Variants in EDAR observed in about 807,000 individuals in gnomAD.
EDAR encodes the protein tumor necrosis factor receptor superfamily member EDAR.
Under a neutral mutation model 51.3 loss-of-function variants are expected in EDAR, and 38 were observed. That is an observed-to-expected ratio of 0.74 (90% confidence interval 0.57 to 0.97). EDAR has a LOEUF of 0.97. EDAR is among the 50% of genes least tolerant of loss of function. EDAR has a pLI of 0.00. For missense variants in EDAR, 528 were observed against 595.0 expected (o/e 0.89, Z 1.17); for synonymous variants, 227 against 242.1 (o/e 0.94, Z 0.58).
At chr2:108,911,612 A>C (rs1020467603) in intron 6 of EDAR, among the ~76,000 whole-genome samples, 1 of 152,198 alleles carries the variant, frequency 6.6e-6, no homozygotes, top group African/African-American at 2.4e-5. Context: ...TCCACCAGGC[A>C]GTCCCTCAGT....
chr2:108,911,384 T>A (rs997992038), intron 6 of EDAR, among the ~76,000 whole-genome samples: 1 of 152,074 alleles, frequency 6.6e-6, no homozygotes, highest in Non-Finnish European at 1.5e-5. Context: ...GGGTTTGGTG[T>A]GGAGAGGAAG....
intron 1 of EDAR, among the ~76,000 whole-genome samples, chr2:108,969,506 T>C (rs923866254): frequency 1.3e-5 from 2 of 152,162 alleles, no homozygotes; most frequent in Non-Finnish European, 2.9e-5. Flanking sequence ...GAGGACTCAG[T>C]GAGGATGTTG....
At chr2:108,937,076 G>A (rs1697485115) in intron 1 of EDAR, among the ~76,000 whole-genome samples, 1 of 152,260 alleles carries the variant, frequency 6.6e-6, no homozygotes, top group Non-Finnish European at 1.5e-5. Context: ...CAAGACCACA[G>A]GCACCGTCCT....
rs764446843 is a variant in EDAR at position 108,895,306 on chromosome 2, TACA to T, written c.*1598_*1600del. 6.6e-6 allele frequency: 1 copy of T among 152,602 alleles called. No homozygotes were observed. Among genetic ancestry groups the T allele is most frequent in the Non-Finnish European group, 1.5e-5 (1 of 68,034 alleles). The allele number at this position is 152,602 out of a possible 1,614,324, so 9.5% of individuals were successfully genotyped here. ...TTTCAGTCATGCAACTTGTAATTTT[TACA>T]ACCTCGCTTTATAAGTCAGAGACTT... On this transcript the variant is annotated 3_prime_UTR_variant, in exon 12 of 12. Transcript: ENST00000258443.
intron 9 of EDAR, 35 bp from the exon 10 acceptor site, chr2:108,908,054 C>G: frequency 6.3e-7 from 1 of 1,577,664 alleles, no homozygotes; most frequent in South Asian, 1.2e-5. Flanking sequence ...TTAGCAGTGC[C>G]TGGGGGGGCT....
intron 1 of EDAR, among the ~76,000 whole-genome samples, chr2:108,982,925 G>A (rs1250184272): frequency 6.6e-6 from 1 of 152,212 alleles, no homozygotes; most frequent in East Asian, 1.9e-4. Flanking sequence ...CATGTGCAGG[G>A]ATGGTCTCTC....
chr2:108,915,938 G>A (rs1386929899), intron 5 of EDAR, among the ~76,000 whole-genome samples: 2 of 152,032 alleles, frequency 1.3e-5, no homozygotes, highest in Admixed American at 1.3e-4. Context: ...AAAAAGAGCT[G>A]GTGGAGAAGT....
intron 1 of EDAR, among the ~76,000 whole-genome samples, chr2:108,960,867 A>G (rs1381406464): frequency 6.6e-6 from 1 of 152,246 alleles, no homozygotes; most frequent in African/African-American, 2.4e-5. Flanking sequence ...GAACATGGCT[A>G]TATAGTATTC....
chr2:108,943,881 G>C (rs985445005), intron 1 of EDAR, among the ~76,000 whole-genome samples: 1 of 152,190 alleles, frequency 6.6e-6, no homozygotes, highest in African/African-American at 2.4e-5. Context: ...CTATAACCTT[G>C]CATACCATTT....
At chr2:108,932,616 C>T (rs1001064907) in intron 1 of EDAR, among the ~76,000 whole-genome samples, 2 of 150,134 alleles carry the variant, frequency 1.3e-5, no homozygotes, top group Admixed American at 6.6e-5. Context: ...AGCCAGGGAA[C>T]GGTGGAGAAG....
rs560118688 is a variant in EDAR, at chr2:108,989,189, C to T, written c.-248G>A. Reference sequence around the variant, plus strand: ...TTTAAAGGGCTTCCCGGGAACTCTTCCTTGACCGCTCCCTGCCCTGTCTGC... The same window carrying T: ...TTTAAAGGGCTTCCCGGGAACTCTTTCTTGACCGCTCCCTGCCCTGTCTGC... On this transcript the variant is annotated 5_prime_UTR_variant, in exon 1 of 12. Transcript: ENST00000258443. 6.5e-6 allele frequency: 1 copy of T among 153,046 alleles called. No individual in the cohort carries two copies. Among genetic ancestry groups the T allele is most frequent in the South Asian group, 2.1e-4 (1 of 4,828 alleles). The allele number at this position is 153,046 out of a possible 1,614,324, so 9.5% of individuals were successfully genotyped here.
chr2:108,973,382 G>C (rs1334351030), intron 1 of EDAR, among the ~76,000 whole-genome samples: 1 of 152,236 alleles, frequency 6.6e-6, no homozygotes, highest in Admixed American at 6.5e-5. Flanking sequence ...GGGCGGTGCA[G>C]AGAGAGTGTC....
intron 10 of EDAR, 75 bp from the exon 11 acceptor site, chr2:108,906,443 C>T (rs1470624832): frequency 6.7e-7 from 1 of 1,497,092 alleles, no homozygotes; most frequent in African/African-American, 1.4e-5. Flanking sequence ...TCCATGTCAG[C>T]AGGGGCAGGC....
chr2:108,958,274 C>T (rs1011613047), intron 1 of EDAR, among the ~76,000 whole-genome samples: 2 of 152,172 alleles, frequency 1.3e-5, no homozygotes, highest in African/African-American at 4.8e-5. Flanking sequence ...TGTTGAGACT[C>T]GCCTGTTTTC....
At chr2:108,939,629 G>C (rs6542786) in intron 1 of EDAR, among the ~76,000 whole-genome samples, 103,331 of 152,026 alleles carry the variant, frequency 0.68, 37,760 homozygotes, top group Non-Finnish European at 0.82. Flanking sequence ...TGCAGTCACA[G>C]TGTATCCCCT....
At chr2:108,930,442 C>A (rs1574386621) in intron 2 of EDAR, among the ~76,000 whole-genome samples, 200 bp from the exon 3 acceptor site, 1 of 152,154 alleles carries the variant, frequency 6.6e-6, no homozygotes, top group South Asian at 2.1e-4. Flanking sequence ...CTGGGCACGG[C>A]CAGCCCCCAC....
At chr2:108,934,742 A>G (rs1697434167) in intron 1 of EDAR, among the ~76,000 whole-genome samples, 1 of 152,220 alleles carries the variant, frequency 6.6e-6, no homozygotes, top group South Asian at 2.1e-4. Context: ...CACTCCCGCG[A>G]TGATGACATT....
rs1696804281 is a variant in EDAR, at chr2:108,906,312, C to T, written c.1020G>A (p.Val340=). The T allele has an allele frequency of 6.2e-7, 1 of 1,614,198 alleles. No individual in the cohort carries two copies. Among genetic ancestry groups the T allele is most frequent in the South Asian group, 1.1e-5 (1 of 91,080 alleles). ...LDVYANVCGV[V]EGLSPTELPF... ...CAGGCTTTTTTTTCAGCTTACCTTC[C>T]ACGACTCCACACACGTTGGCATACA... is the stretch of plus-strand genomic sequence containing the variant. The change falls in exon 11 of 12, where the codon GTG becomes GTA. Residue 340 remains valine, a synonymous_variant. Transcript: ENST00000258443.
intron 4 of EDAR, among the ~76,000 whole-genome samples, chr2:108,927,374 T>A (rs1269981989): frequency 1.3e-5 from 2 of 152,200 alleles, no homozygotes; most frequent in African/African-American, 2.4e-5. Flanking sequence ...ATTCTGCAGA[T>A]GGCTGTCCAC....
Sources: allele counts gnomAD v4.1 joint callset (sites outside exome capture counted in the v4.1 genomes callset), GRCh38; gene constraint gnomAD v4.1.1; transcripts MANE v1.5; gene names NCBI Gene and HGNC (gene_info 2026-07-23, HGNC 2026-07-21).